ACADL: variants seen among roughly 807,000 people sequenced by gnomAD.
ACADL encodes acyl-CoA dehydrogenase long chain, also known as long-chain specific acyl-CoA dehydrogenase, mitochondrial.
In ACADL, 60 loss-of-function variants were observed where a neutral mutation model predicts 56.9. That is an observed-to-expected ratio of 1.05 (90% CI 0.86 to 1.31). ACADL has a LOEUF of 1.31. Among genes scored for constraint, ACADL ranks in the 50% most tolerant of loss-of-function variants. The pLI, the probability that ACADL is intolerant of heterozygous loss-of-function variation, is 0.00. For synonymous variants in ACADL, 158 were observed against 179.7 expected (o/e 0.88, Z 0.97); for missense variants, 484 against 525.5 (o/e 0.92, Z 0.77).
At chr2:210,201,639 C>A (rs958336637) in intron 8 of ACADL, among the ~76,000 whole-genome samples, 1 of 152,110 alleles carries the variant, frequency 6.6e-6, no homozygotes, top group Non-Finnish European at 1.5e-5. Flanking sequence ...CTACCTTTCC[C>A]TTCACAAAGC....
rs561094679 is a variant in ACADL, at chr2:210,192,889, C to T, written c.1114G>A (p.Ala372Thr). The T allele has an allele frequency of 3.7e-6, 6 of 1,612,252 alleles. 1 individual carries two copies. Among genetic ancestry groups the T allele is most frequent in the South Asian group, 3.3e-5 (3 of 91,044 alleles). The change falls in exon 10 of 11, where the codon GCA (alanine) becomes ACA (threonine). Residue 372 changes from alanine (A) to threonine (T), a missense_variant and splice_region_variant. By Grantham distance (58) the Ala-to-Thr change is moderately conservative. Transcript: ENST00000233710. ...SATACMAKYW[A>T]SELQNSVAYD... ...GCTACACTATTTTGTAACTCAGATG[C>T]CCTAAATGACCAAAATAAAAGGCAG...
intron 1 of ACADL, chr2:210,224,565 G>A: frequency 1.0e-6 from 1 of 985,382 alleles, no homozygotes; most frequent in Non-Finnish European, 1.2e-6. Flanking sequence ...GAACTACTTA[G>A]ACTCTGTCTT....
intron 8 of ACADL, among the ~76,000 whole-genome samples, chr2:210,195,963 TC>T (rs1255557377): frequency 6.6e-6 from 1 of 152,130 alleles, no homozygotes; most frequent in African/African-American, 2.4e-5. Context: ...CATTATCCCT[TC>T]TGATATGGTT....
At position 210,209,829 on chromosome 2, in the gene ACADL, T is replaced by C. The variant is rs1412278932; in HGVS notation, c.603+367A>G. 3 of 186,738 alleles carry C rather than the reference T, an allele frequency of 1.6e-5. No homozygotes were observed. The East Asian group carries it at 4.3e-4, about 26-fold the overall frequency. The allele number at this position is 186,738 out of a possible 1,614,324, so 11.6% of individuals were successfully genotyped here. ...CTCCTAGAATCTTTTGAAATTCTTC[T>C]TGATCTATATGAGAAAGCTTTTCCC... On this transcript the variant is annotated intron_variant, in intron 5 of 10. Transcript: ENST00000233710.
chr2:210,211,044 G>C (rs939791430), intron 4 of ACADL, among the ~76,000 whole-genome samples: 1 of 151,954 alleles, frequency 6.6e-6, no homozygotes, highest in Non-Finnish European at 1.5e-5. Flanking sequence ...ACAAATATTA[G>C]TAAATAAAAT....
At position 210,221,059 on chromosome 2, in the gene ACADL, T is replaced by G. The variant is rs931122108; in HGVS notation, c.78-257A>C. Among the ~76,000 whole-genome samples the G allele has an allele frequency of 3.9e-5, 6 of 152,076 alleles. No homozygotes were observed. The East Asian group carries it at 1.2e-3, about 29-fold the overall frequency. Reference sequence around the variant, plus strand: ...ATCTCCAAATCCTTAAAGAAGATGATGCCTAGAACTAACCACAGGTCTGAC... The same window carrying G: ...ATCTCCAAATCCTTAAAGAAGATGAGGCCTAGAACTAACCACAGGTCTGAC... On this transcript the variant is annotated intron_variant, in intron 1 of 10. Coordinates refer to ENST00000233710, the MANE Select transcript of ACADL (RefSeq NM_001608.4).
chr2:210,199,168 GTA>G (rs1309212042), intron 8 of ACADL, among the ~76,000 whole-genome samples: 1 of 152,026 alleles, frequency 6.6e-6, no homozygotes, highest in Non-Finnish European at 1.5e-5. Context: ...CAAGGTATAG[GTA>G]TGTACAGTAT....
At chr2:210,224,739 G>C in intron 1 of ACADL, 1 of 988,508 alleles carries the variant, frequency 1.0e-6, no homozygotes, top group African/African-American at 1.7e-5. Context: ...ACTACCGCGC[G>C]GCGAGTCTAA....
At chr2:210,203,214 T>C (rs755624531) in intron 8 of ACADL, 117 bp downstream of exon 8, 2 of 746,780 alleles carry the variant, frequency 2.7e-6, no homozygotes, top group Non-Finnish European at 4.8e-6. Flanking sequence ...TCTCATCCAC[T>C]TCCATGGTTT....
rs1688583150 is a variant in ACADL at position 210,188,618 on chromosome 2, A to G, written c.*343T>C. On this transcript the variant is annotated 3_prime_UTR_variant, in exon 11 of 11. Coordinates refer to ENST00000233710, the MANE Select transcript of ACADL (RefSeq NM_001608.4). Reference sequence around the variant, plus strand: ...GCTATCTTATTAATGTTTTTATACTATAGCGACATAAAATTATTTCTGCCT... The same window carrying G: ...GCTATCTTATTAATGTTTTTATACTGTAGCGACATAAAATTATTTCTGCCT... The G allele has an allele frequency of 4.2e-6, 1 of 240,312 alleles. No homozygotes were observed. Among genetic ancestry groups the G allele is most frequent in the Non-Finnish European group, 8.3e-6 (1 of 120,992 alleles). The allele number at this position is 240,312 out of a possible 1,614,324, so 14.9% of individuals were successfully genotyped here.
intron 2 of ACADL, among the ~76,000 whole-genome samples, chr2:210,220,231 TA>T (rs1689152538): frequency 6.6e-6 from 1 of 152,104 alleles, no homozygotes; most frequent in Admixed American, 6.5e-5. Flanking sequence ...TTCTGGTCAA[TA>T]AAATAATAAT....
chr2:210,214,491 G>GAAAGAAAGAAAGAAAGAAAGAAAT (rs1559639911), intron 4 of ACADL, among the ~76,000 whole-genome samples: 2 of 149,894 alleles, frequency 1.3e-5, no homozygotes, highest in Non-Finnish European at 1.5e-5. Context: ...AAGAAAGAAA[G>GAAAGAAAGAAAGAAAGAAAGAAAT]AAAGAAAGAA....
Position 210,216,562 on chromosome 2 carries a change from C to T in ACADL, c.372-51G>A, listed in dbSNP as rs375211389. On this transcript the variant is annotated intron_variant, in intron 3 of 10. Coordinates refer to ENST00000233710, the MANE Select transcript of ACADL (RefSeq NM_001608.4). ...TAGAGCATAAAATAGCAATAAAAAA[C>T]GACTATTATAACAACAATGTATTAA... 1.1e-4 allele frequency: 165 copies of T among 1,528,744 alleles called. No homozygotes were observed. The African/African-American group carries it at 1.6e-3, about 15-fold the overall frequency. The allele number at this position is 1,528,744 out of a possible 1,614,324, so 94.7% of individuals were successfully genotyped here. A position where few individuals can be genotyped will look rare whatever the true frequency, so the allele number is the denominator to read the frequency against.
At position 210,225,244 on chromosome 2, in the gene ACADL, C is replaced by A. The variant is rs1226951841; in HGVS notation, c.20G>T (p.Arg7Leu). The A allele has an allele frequency of 6.4e-6, 10 of 1,557,386 alleles. No homozygotes were observed. Among genetic ancestry groups the A allele is most frequent in the Admixed American group, 1.9e-5 (1 of 53,934 alleles). ...GCCGCCCAGGACGCGTAGGGACCCT[C>A]GGAGAAGGCGTGCGGCCATGTCCGA... MAARLL[R>L]GSLRVLGGHR... Residue 7 changes from arginine (R) to leucine (L), a missense_variant, in exon 1 of 11, where the codon CGA (arginine) becomes CTA (leucine). Coordinates refer to ENST00000233710, the MANE Select transcript of ACADL (RefSeq NM_001608.4).
chr2:210,210,275 G>T lies in ACADL; in HGVS notation c.537-13C>A. ...TCCCTGTAAGTCACTGTAATTGAAAGAAAAGATAAAAAATTCATCAAATGA... is the reference window on the plus strand; with the variant it reads ...TCCCTGTAAGTCACTGTAATTGAAATAAAAGATAAAAAATTCATCAAATGA... On this transcript the variant is annotated splice_polypyrimidine_tract_variant and intron_variant, in intron 4 of 10. Transcript: ENST00000233710. The T allele has an allele frequency of 1.3e-6, 2 of 1,581,096 alleles. No individual in the cohort carries two copies. The highest frequency in any genetic ancestry group is 1.7e-6 in the Non-Finnish European group (2 of 1,151,980).
intron 1 of ACADL, 131 bp from the exon 2 acceptor site, chr2:210,220,933 T>C (rs1295426863): frequency 6.7e-6 from 5 of 749,294 alleles, no homozygotes; most frequent in South Asian, 5.3e-5. Flanking sequence ...GTTTGAATTA[T>C]GACAAAGCTG....
At position 210,225,412 on chromosome 2, in the gene ACADL, C is replaced by G. The variant is rs1689257206; in HGVS notation, c.-149G>C. On this transcript the variant is annotated 5_prime_UTR_variant, in exon 1 of 11. Transcript: ENST00000233710. ...AGCGCTCGCGCGCGCCCTTCCGGAG[C>G]CCCAACCACGCCACAGGCTGGTCGC... 1 of 810,930 alleles carries G rather than the reference C, an allele frequency of 1.2e-6. No individual in the cohort carries two copies. Among genetic ancestry groups the G allele is most frequent in the Admixed American group, 2.8e-5 (1 of 36,168 alleles). 50.2% of individuals were successfully genotyped at this position (810,930 alleles called of 1,614,324 possible).
chr2:210,198,318 T>G (rs1342819010), intron 8 of ACADL, among the ~76,000 whole-genome samples: 1 of 152,170 alleles, frequency 6.6e-6, no homozygotes, highest in Non-Finnish European at 1.5e-5. Flanking sequence ...GGTTAAAATA[T>G]AAAATGAAAC....
At chr2:210,194,274 T>C (rs1028506197) in intron 9 of ACADL, among the ~76,000 whole-genome samples, 5 of 152,304 alleles carry the variant, frequency 3.3e-5, no homozygotes, top group Non-Finnish European at 7.4e-5. Context: ...TTCCACATTA[T>C]TTTTCAACCT....
Sources: gnomAD v4.1 joint callset for allele counts (sites outside exome capture counted in the v4.1 genomes callset) on GRCh38, gnomAD v4.1.1 for gene constraint, MANE v1.5 for transcripts, NCBI Gene and HGNC (gene_info 2026-07-23, HGNC 2026-07-21) for gene names.